The following PKP1 variants were observed in gnomAD, a reference collection of about 807,000 sequenced individuals.
The protein encoded by PKP1 is plakophilin 1, also known as plakophilin-1.
A neutral mutation model predicts 76.4 loss-of-function variants in PKP1; 27 were observed. The observed-to-expected ratio is 0.35, with a 90% CI of 0.26 to 0.49. The LOEUF (loss-of-function observed/expected upper bound fraction) is 0.49, where lower values mean the gene tolerates loss of function less well. PKP1 is among the 20% of genes least tolerant of loss of function. The pLI is 0.99. For missense variants in PKP1, 964 were observed against 955.2 expected (o/e 1.01, Z -0.12); for synonymous variants, 404 against 384.2 (o/e 1.05, Z -0.60).
chr1:201,323,261 T>C (rs1657004379), intron 9 of PKP1, 72 bp downstream of exon 9: 2 of 1,431,316 alleles, frequency 1.4e-6, no homozygotes, highest in East Asian at 2.3e-5. Flanking sequence ...TGCTCCCTCC[T>C]TTTCCCCCCA....
intron 1 of PKP1, among the ~76,000 whole-genome samples, chr1:201,292,290 T>A (rs1428558896): frequency 6.6e-6 from 1 of 152,124 alleles, no homozygotes; most frequent in Admixed American, 6.5e-5. Context: ...ACGGGGCCTA[T>A]GGGAGGTAAG....
chr1:201,320,432 T>C, intron 7 of PKP1, 51 bp downstream of exon 7: 2 of 1,218,800 alleles, frequency 1.6e-6, no homozygotes, highest in South Asian at 2.4e-5. Context: ...GCCCCCTACA[T>C]TTTCTGGGTG....
At chr1:201,316,462 TG>T in intron 3 of PKP1, 90 bp from the exon 4 acceptor site, 1 of 1,374,886 alleles carries the variant, frequency 7.3e-7, no homozygotes, top group Non-Finnish European at 1.0e-6. Context: ...GATGAGGCTG[TG>T]GCAGCTTAGT....
At chr1:201,310,692 G>C (rs1162250739) in intron 2 of PKP1, among the ~76,000 whole-genome samples, 1 of 152,230 alleles carries the variant, frequency 6.6e-6, no homozygotes, top group African/African-American at 2.4e-5. Flanking sequence ...GATGATGGGA[G>C]AGAGTCATAC....
intron 2 of PKP1, among the ~76,000 whole-genome samples, chr1:201,309,766 G>C (rs917038212): frequency 2.6e-5 from 4 of 152,164 alleles, no homozygotes; most frequent in Non-Finnish European, 5.9e-5. Context: ...GAAACGTGTG[G>C]GGACATTTTG....
chr1:201,296,207 G>A (rs1656065172), intron 2 of PKP1, among the ~76,000 whole-genome samples: 1 of 152,228 alleles, frequency 6.6e-6, no homozygotes, highest in Non-Finnish European at 1.5e-5. Context: ...AGAGGGAGGA[G>A]GCCAAGTAGG....
intron 8 of PKP1, among the ~76,000 whole-genome samples, 164 bp downstream of exon 8, chr1:201,322,297 G>C (rs1053290079): frequency 6.6e-6 from 1 of 152,194 alleles, no homozygotes; most frequent in African/African-American, 2.4e-5. Flanking sequence ...CACTCTGGGA[G>C]CTGGGTAGAG....
At chr1:201,323,359 G>A (rs979437903) in intron 9 of PKP1, among the ~76,000 whole-genome samples, 170 bp downstream of exon 9, 2 of 152,152 alleles carry the variant, frequency 1.3e-5, no homozygotes, top group African/African-American at 4.8e-5. Context: ...AAACACTCCT[G>A]CCCTTTAGGA....
At position 201,325,791 on chromosome 1, in the gene PKP1, C is replaced by A; in HGVS notation, c.2059C>A (p.Leu687Met). The A allele has an allele frequency of 6.2e-7, 1 of 1,614,090 alleles. No homozygotes were observed. The highest frequency in any genetic ancestry group is 1.1e-5 in the South Asian group (1 of 91,088). ...GGCCGCAGAAGCTGCCCGGCTTCTC[C>A]TGTCTGACATGTGGTCCAGCAAGGA... is the stretch of plus-strand genomic sequence containing the variant. ...PKAAEAARLL[L>M]SDMWSSKELQ... Residue 687 changes from leucine to methionine, a missense_variant, in exon 12 of 14, where the codon CTG becomes ATG. Transcript: ENST00000367324.
At chr1:201,289,653 T>C (rs1410301915) in intron 1 of PKP1, among the ~76,000 whole-genome samples, 2 of 150,888 alleles carry the variant, frequency 1.3e-5, no homozygotes, top group Admixed American at 6.6e-5. Context: ...CCCAGCTTGG[T>C]TGGGGAGACC....
At chr1:201,318,310 A>G (rs1322510389) in intron 5 of PKP1, among the ~76,000 whole-genome samples, 1 of 152,218 alleles carries the variant, frequency 6.6e-6, no homozygotes, top group Non-Finnish European at 1.5e-5. Flanking sequence ...AGAAGACTCC[A>G]AGTGCTAAAA....
At chr1:201,310,586 C>T (rs1656518166) in intron 2 of PKP1, among the ~76,000 whole-genome samples, 2 of 152,202 alleles carry the variant, frequency 1.3e-5, no homozygotes, top group African/African-American at 4.8e-5. Flanking sequence ...CTCCTTGTGC[C>T]TTGGAGGGAA....
chr1:201,317,528 C>T (rs1282965559), intron 4 of PKP1, 44 bp from the exon 5 acceptor site: 2 of 1,517,280 alleles, frequency 1.3e-6, no homozygotes, highest in African/African-American at 2.7e-5. Flanking sequence ...CTAGATCAGC[C>T]TCATCTCCCT....
Position 201,308,147 on chromosome 1 carries a change from C to T in PKP1, c.307-5019C>T, listed in dbSNP as rs1042321722. ...ACCCAGCTGCTTTGCTCAGGTCAAG[C>T]GGTAAAGGGAAGCATTCTGGACATC... On this transcript the variant is annotated intron_variant, in intron 2 of 13. Transcript: ENST00000367324. 2.1e-4 allele frequency among the ~76,000 whole-genome samples: 32 copies of T among 152,242 alleles called. 1 individual carries two copies. Among genetic ancestry groups the T allele is most frequent in the East Asian group, 9.6e-4 (5 of 5,200 alleles).
intron 12 of PKP1, chr1:201,328,446 T>A (rs1657213862): frequency 2.4e-6 from 1 of 414,612 alleles, no homozygotes; most frequent in South Asian, 2.2e-5. Context: ...GCTTCTCTAA[T>A]CTGATTTTGA....
intron 1 of PKP1, among the ~76,000 whole-genome samples, chr1:201,293,393 G>C (rs967025879): frequency 2.6e-5 from 4 of 152,162 alleles, no homozygotes; most frequent in Non-Finnish European, 5.9e-5. Flanking sequence ...GTTGATCGCC[G>C]CTCCCCCTTC....
chr1:201,316,739 G>A (rs775447307), intron 4 of PKP1, 42 bp downstream of exon 4: 1 of 1,610,544 alleles, frequency 6.2e-7, no homozygotes, highest in Non-Finnish European at 8.5e-7. Context: ...GCCTGCGGAG[G>A]GCCTGGGTGT....
chr1:201,318,724 C>T lies in PKP1; in HGVS notation c.1161C>T (p.Cys387=), dbSNP rs375745566. 3.7e-6 allele frequency: 6 copies of T among 1,611,918 alleles called. No homozygotes were observed. The highest frequency in any genetic ancestry group is 5.1e-6 in the Non-Finnish European group (6 of 1,179,754). Residue 387 remains cysteine (C), a synonymous_variant, in exon 6 of 14, where the codon TGC becomes TGT. Transcript: ENST00000367324. ...DRVIIPFSGW[C]DGNSNMSREV... ...TCATCATTCCCTTCTCTGGCTGGTG[C>T]GATGGCAATAGCAACATGTCCCGGG...
intron 4 of PKP1, among the ~76,000 whole-genome samples, chr1:201,317,145 T>C (rs1224693748): frequency 6.6e-6 from 1 of 152,168 alleles, no homozygotes; most frequent in Non-Finnish European, 1.5e-5. Context: ...GGTTCTTCAG[T>C]TCAGCCCAAG....
Sources: gnomAD v4.1 joint callset for allele counts (sites outside exome capture counted in the v4.1 genomes callset) on GRCh38, gnomAD v4.1.1 for gene constraint, MANE v1.5 for transcripts, NCBI Gene and HGNC (gene_info 2026-07-23, HGNC 2026-07-21) for gene names.